The following AKAP6 variants were observed in gnomAD, a reference collection of about 807,000 sequenced individuals.
AKAP6 encodes A-kinase anchoring protein 6, also known as A-kinase anchor protein 6.
In AKAP6, 58 loss-of-function variants were observed where a neutral mutation model predicts 188.5. The observed-to-expected ratio is 0.31, with a 90% CI of 0.25 to 0.38. The LOEUF (loss-of-function observed/expected upper bound fraction) is 0.38, where lower values mean the gene tolerates loss of function less well. Ranked by LOEUF, AKAP6 falls within the 10% of genes least tolerant of loss-of-function variation. AKAP6 has a pLI of 1.00. For missense variants in AKAP6, 2,710 were observed against 2,740.0 expected (o/e 0.99, Z 0.24); for synonymous variants, 989 against 998.6 (o/e 0.99, Z 0.18).
At chr14:32,628,109 G>A (rs1277558578) in intron 7 of AKAP6, 1 of 152,056 alleles carries the variant, frequency 6.6e-6, no homozygotes, top group African/African-American at 2.4e-5. Flanking sequence ...GTAAGTCAAA[G>A]TACTTGATTA....
intron 1 of AKAP6, among the ~76,000 whole-genome samples, chr14:32,359,075 T>C (rs1414079578): frequency 6.6e-6 from 1 of 152,140 alleles, no homozygotes; most frequent in Admixed American, 6.5e-5. Context: ...TTCTAAGTGC[T>C]GCGTGGGATT....
chr14:32,780,415 A>C (rs1459285121), intron 12 of AKAP6, among the ~76,000 whole-genome samples: 1 of 152,262 alleles, frequency 6.6e-6, no homozygotes, highest in South Asian at 2.1e-4. Context: ...AGTTGGAGTT[A>C]TGGTCCTATT....
In AKAP6 at chr14:32,735,752, G is replaced by C. The variant is rs1473287856; in HGVS notation, c.3242G>C (p.Arg1081Thr). Residue 1081 changes from arginine (R) to threonine (T), a missense_variant, in exon 11 of 14, where the codon AGG becomes ACG. Arg to Thr is a moderately conservative substitution (Grantham distance 71). This residue lies in a region of AKAP6 where 2,473 missense variants were observed against 2,426.1 expected (regional missense o/e 1.02). Coordinates refer to ENST00000280979, the MANE Select transcript of AKAP6 (RefSeq NM_004274.5). ...LLSPESGSLVRQLEVRIKELK... is the reference protein window; with the variant it reads ...LLSPESGSLVTQLEVRIKELK... ...TCTCCTGAAAGTGGAAGCCTGGTAA[G>C]GCAGCTGGAGGTCAGGATCAAAGAA... 1.2e-6 allele frequency: 2 copies of C among 1,613,398 alleles called. No individual in the cohort carries two copies. The highest frequency in any genetic ancestry group is 2.7e-5 in the African/African-American group (2 of 74,838).
At position 32,559,689 on chromosome 14, in the gene AKAP6, A is replaced by G. The variant is rs139400382; in HGVS notation, c.2346+12690A>G. Among the ~76,000 whole-genome samples the G allele has an allele frequency of 2.2e-4, 33 of 152,190 alleles. No homozygotes were observed. The East Asian group carries it at 6.4e-3, about 29-fold the overall frequency. On this transcript the variant is annotated intron_variant, in intron 4 of 13. Transcript: ENST00000280979. ...AAACCTCTTTATCCACCCCAGACCA[A>G]TTAAATCAGAATCCCTGGGGTTGGG...
rs1158514477 is a variant in AKAP6 at position 32,822,558 on chromosome 14, T to C, written c.4745T>C (p.Ile1582Thr). 3 of 1,613,912 alleles carry C rather than the reference T, an allele frequency of 1.9e-6. No individual in the cohort carries two copies. The highest frequency in any genetic ancestry group is 2.5e-6 in the Non-Finnish European group (3 of 1,179,952). Residue 1582 changes from isoleucine to threonine, a missense_variant, in exon 13 of 14, where the codon ATC becomes ACC. By Grantham distance (89) the Ile-to-Thr change is moderately conservative. Transcript: ENST00000280979. The part of the protein sequence containing the change: ...SPGGDLFGLG[I>T]FKNGSDSLQR... ...GGGGGTGATTTATTTGGATTGGGCATCTTTAAAAATGGCAGTGACAGCCTC... is the reference window on the plus strand; with the variant it reads ...GGGGGTGATTTATTTGGATTGGGCACCTTTAAAAATGGCAGTGACAGCCTC...
In AKAP6 at chr14:32,810,496, C is replaced by T. The variant is rs114303507; in HGVS notation, c.3589-10906C>T. 3.4e-4 allele frequency among the ~76,000 whole-genome samples: 51 copies of T among 152,152 alleles called. 1 individual carries two copies. The highest frequency in any genetic ancestry group is 9.2e-4 in the African/African-American group (38 of 41,518). ...CCTAAGTGTGTTTCCCTTGAGGTCGCAAAAAGAAACCCTCCCAGGGGAGTC... is the reference window on the plus strand; with the variant it reads ...CCTAAGTGTGTTTCCCTTGAGGTCGTAAAAAGAAACCCTCCCAGGGGAGTC... On this transcript the variant is annotated intron_variant, in intron 12 of 13. Coordinates refer to ENST00000280979, the MANE Select transcript of AKAP6 (RefSeq NM_004274.5).
In AKAP6 at chr14:32,822,422, G is replaced by A. The variant is rs1301119517; in HGVS notation, c.4609G>A (p.Asp1537Asn). The change falls in exon 13 of 14, where the codon GAT (aspartate) becomes AAT (asparagine). Residue 1537 changes from aspartate to asparagine, a missense_variant. Physicochemically the swap from Asp to Asn is conservative, Grantham distance 23. This residue lies in a region of AKAP6 where 2,473 missense variants were observed against 2,426.1 expected (regional missense o/e 1.02). Transcript: ENST00000280979. The stretch of plus-strand genomic sequence containing the variant: ...TTTGGCAAGTGCATCTCATGAAATG[G>A]ATCGCATTTCATATAAAAGTGGCAA... ...RILASASHEM[D>N]RISYKSGNIE... 1.2e-6 allele frequency: 2 copies of A among 1,613,756 alleles called. No homozygotes were observed. The highest frequency in any genetic ancestry group is 1.7e-5 in the Admixed American group (1 of 59,932).
chr14:32,609,431 A>G (rs554833173), intron 7 of AKAP6, among the ~76,000 whole-genome samples: 3 of 152,242 alleles, frequency 2.0e-5, no homozygotes, highest in African/African-American at 7.2e-5. Context: ...ATGAAGGTTT[A>G]TGTTTCTCAG....
chr14:32,434,945 G>A (rs918506473), intron 2 of AKAP6, among the ~76,000 whole-genome samples: 23 of 152,196 alleles, frequency 1.5e-4, no homozygotes, highest in African/African-American at 5.5e-4. Context: ...CAGGTCTAGT[G>A]TCTGATTTCT....
chr14:32,442,614 G>A (rs1237351786), intron 2 of AKAP6: 1 of 148,760 alleles, frequency 6.7e-6, no homozygotes, highest in Non-Finnish European at 1.5e-5. Context: ...ACTCCAGCCT[G>A]AGCAACATAG....
At chr14:32,724,824 T>A (rs1158811462) in intron 9 of AKAP6, among the ~76,000 whole-genome samples, 1 of 151,892 alleles carries the variant, frequency 6.6e-6, no homozygotes, top group Non-Finnish European at 1.5e-5. Context: ...AATTTCTCTA[T>A]TTTTTATTGA....
At position 32,831,584 on chromosome 14, in the gene AKAP6, T is replaced by C. The variant is rs898151161; in HGVS notation, c.*1779T>C. On this transcript the variant is annotated 3_prime_UTR_variant, in exon 14 of 14. Transcript: ENST00000280979. ...TATTCTAGATCCAGAAGATGCAATG[T>C]TGAACAAACAGACAAAGCCCTGCCC... is the stretch of plus-strand genomic sequence containing the variant. 3 of 152,210 alleles carry C rather than the reference T, an allele frequency of 2.0e-5. No homozygotes were observed. Among genetic ancestry groups the C allele is most frequent in the Non-Finnish European group, 4.4e-5 (3 of 68,046 alleles). 9.4% of individuals were successfully genotyped at this position (152,210 alleles called of 1,614,324 possible). A position where few individuals can be genotyped will look rare whatever the true frequency, so the allele number is the denominator to read the frequency against.
At chr14:32,495,966 T>C (rs1371417856) in intron 2 of AKAP6, among the ~76,000 whole-genome samples, 1 of 152,208 alleles carries the variant, frequency 6.6e-6, no homozygotes, top group Non-Finnish European at 1.5e-5. Flanking sequence ...CTTACCCCAA[T>C]GTTGACCTGT....
chr14:32,359,772 C>T lies in AKAP6; in HGVS notation c.-35+30364C>T, dbSNP rs1034545255. On this transcript the variant is annotated intron_variant, in intron 1 of 13. Transcript: ENST00000280979. ...TCAATTTGAGTCTGTCTTGTGTTTC[C>T]TCCTGAATAGGCTGAGGTTATCAGT... 2.0e-5 allele frequency among the ~76,000 whole-genome samples: 3 copies of T among 152,146 alleles called. No individual in the cohort carries two copies. The East Asian group carries it at 5.8e-4, about 29-fold the overall frequency.
chr14:32,495,911 C>T lies in AKAP6; in HGVS notation c.325-39643C>T, dbSNP rs74041626. On this transcript the variant is annotated intron_variant, in intron 2 of 13. Coordinates refer to ENST00000280979, the MANE Select transcript of AKAP6 (RefSeq NM_004274.5). ...ACTCAGTTAAACTACTGTTTGTGCC[C>T]GTATCAGTGTAAGTAACATAAATTG... Among the ~76,000 whole-genome samples the T allele has an allele frequency of 7.1e-3, 1,075 of 152,156 alleles. 9 individuals carry two copies. Among genetic ancestry groups the T allele is most frequent in the African/African-American group, 0.024 (998 of 41,496 alleles).
chr14:32,827,620 A>G (rs1485932473), intron 13 of AKAP6, among the ~76,000 whole-genome samples: 2 of 152,180 alleles, frequency 1.3e-5, no homozygotes, highest in African/African-American at 2.4e-5. Flanking sequence ...TCATGTTTCT[A>G]TAAAAATAGA....
chr14:32,786,491 TA>T lies in AKAP6; in HGVS notation c.3588+12599del, dbSNP rs200848818. Among the ~76,000 whole-genome samples, 17 of 104,164 alleles carry T rather than the reference TA, an allele frequency of 1.6e-4. No individual in the cohort carries two copies. In the South Asian group the frequency reaches 3.7e-3, roughly 23 times the overall value. 68.3% of individuals were successfully genotyped at this position (104,164 alleles called of 152,430 possible). On this transcript the variant is annotated intron_variant, in intron 12 of 13. Transcript: ENST00000280979. ...CCCGGCTAATTATTTTATTTTATTT[TA>T]TTTTTTTATTTTTAGTAGAGATGGG... is the stretch of plus-strand genomic sequence containing the variant.
chr14:32,553,554 A>G (rs969515264), intron 4 of AKAP6, among the ~76,000 whole-genome samples: 2 of 152,214 alleles, frequency 1.3e-5, no homozygotes, highest in Admixed American at 1.3e-4. Flanking sequence ...AAAAATACTC[A>G]GTAAATCCCC....
At chr14:32,722,946 G>A (rs943336431) in intron 9 of AKAP6, among the ~76,000 whole-genome samples, 2 of 152,176 alleles carry the variant, frequency 1.3e-5, no homozygotes, top group African/African-American at 4.8e-5. Context: ...AACATTGTTT[G>A]TAACATGTGC....
Sources: allele counts gnomAD v4.1 joint callset (sites outside exome capture counted in the v4.1 genomes callset), GRCh38; gene constraint gnomAD v4.1.1; regional missense constraint gnomAD v4.1.1; transcripts MANE v1.5; gene names NCBI Gene and HGNC (gene_info 2026-07-23, HGNC 2026-07-21).